The following KIAA1549L variants were observed in gnomAD, a reference collection of about 807,000 sequenced individuals.
KIAA1549L encodes KIAA1549 like, also known as UPF0606 protein KIAA1549L.
Under a neutral mutation model 160.7 loss-of-function variants are expected in KIAA1549L, and 88 were observed. That is an observed-to-expected ratio of 0.55 (90% CI 0.46 to 0.65). The LOEUF is 0.65. Ranked by LOEUF, KIAA1549L falls within the 30% of genes least tolerant of loss-of-function variation. The pLI is 0.00. For synonymous variants in KIAA1549L, 950 were observed against 976.7 expected (o/e 0.97, Z 0.51); for missense variants, 2,258 against 2,437.5 (o/e 0.93, Z 1.55).
intron 11 of KIAA1549L, among the ~76,000 whole-genome samples, chr11:33,584,016 G>A (rs1268852485): frequency 1.3e-5 from 2 of 152,178 alleles, no homozygotes; most frequent in African/African-American, 4.8e-5. Flanking sequence ...CCTTTGGGAG[G>A]AGATTAGGTC....
intron 1 of KIAA1549L, among the ~76,000 whole-genome samples, chr11:33,520,862 T>C (rs1464051225): frequency 1.3e-5 from 2 of 152,152 alleles, no homozygotes; most frequent in Non-Finnish European, 2.9e-5. Context: ...AGTGTTTTGT[T>C]TTTAAAAAGT....
chr11:33,499,555 G>A (rs1364704835), intron 1 of KIAA1549L, among the ~76,000 whole-genome samples: 1 of 152,172 alleles, frequency 6.6e-6, no homozygotes, highest in East Asian at 1.9e-4. Flanking sequence ...GAATAGAATG[G>A]TATATGCAGA....
chr11:33,552,212 C>T lies in KIAA1549L; in HGVS notation c.3826C>T (p.Leu1276=). ...KAFQDAERKV[L]NTKSNLTIQI... is the part of the protein sequence containing the mutation. ...ATTCCAGGATGCCGAGAGGAAAGTC[C>T]TGAATACCAAAAGCAACTTGACAAT... The change falls in exon 6 of 21, where the codon CTG becomes TTG. Residue 1276 remains leucine, a synonymous_variant. Transcript: ENST00000658780. 1 of 1,605,900 alleles carries T rather than the reference C, an allele frequency of 6.2e-7. No homozygotes were observed.
chr11:33,430,049 C>CCCTTCCTTCCTCCCTTCCTCCCTT (rs1851202963), intron 1 of KIAA1549L, among the ~76,000 whole-genome samples: 2 of 69,312 alleles, frequency 2.9e-5, no homozygotes, highest in Non-Finnish European at 5.3e-5. Context: ...CTTCCTTCCT[C>CCCTTCCTTCCTCCCTTCCTCCCTT]CCTTCCCTCT....
chr11:33,609,709 A>G (rs1272707319), intron 14 of KIAA1549L, 40 bp from the exon 15 acceptor site: 3 of 1,518,468 alleles, frequency 2.0e-6, no homozygotes, highest in South Asian at 2.4e-5. Flanking sequence ...TGCCGGCCCC[A>G]CTGGGTCAGG....
chr11:33,497,548 G>A (rs560869265), intron 1 of KIAA1549L, among the ~76,000 whole-genome samples: 14 of 152,180 alleles, frequency 9.2e-5, no homozygotes, highest in African/African-American at 2.9e-4. Flanking sequence ...AAACCCCAAA[G>A]CACCATAAAA....
chr11:33,495,572 T>C (rs889144604), intron 1 of KIAA1549L, among the ~76,000 whole-genome samples: 1 of 152,254 alleles, frequency 6.6e-6, no homozygotes, highest in African/African-American at 2.4e-5. Flanking sequence ...TTGTGAATAA[T>C]GCCGCAATAA....
At chr11:33,451,128 C>T (rs1851712754) in intron 1 of KIAA1549L, among the ~76,000 whole-genome samples, 1 of 152,220 alleles carries the variant, frequency 6.6e-6, no homozygotes, top group Non-Finnish European at 1.5e-5. Context: ...CAAACACACA[C>T]AAACACAGAC....
At chr11:33,563,706 AAGAG>A (rs1161893431) in intron 8 of KIAA1549L, among the ~76,000 whole-genome samples, 2 of 152,254 alleles carry the variant, frequency 1.3e-5, no homozygotes, top group Non-Finnish European at 2.9e-5. Context: ...GTTTATGCCC[AAGAG>A]AGAAACAGTG....
At chr11:33,420,077 T>A (rs1850973931) in intron 1 of KIAA1549L, among the ~76,000 whole-genome samples, 1 of 152,142 alleles carries the variant, frequency 6.6e-6, no homozygotes, top group Non-Finnish European at 1.5e-5. Flanking sequence ...GCATAAATTT[T>A]ACAGTATATC....
At chr11:33,457,737 G>A (rs1166889006) in intron 1 of KIAA1549L, among the ~76,000 whole-genome samples, 2 of 152,206 alleles carry the variant, frequency 1.3e-5, no homozygotes, top group Admixed American at 6.5e-5. Context: ...AGACTTCCTC[G>A]AGGTGGTGAT....
Position 33,568,129 on chromosome 11 carries a change from C to A in KIAA1549L, c.4132C>A (p.Arg1378=). The part of the protein sequence containing the change: ...LVGLHNQSFA[R]VMEQRLAQLF... Reference sequence around the variant, plus strand: ...GGGCCTGCACAACCAGAGCTTTGCCCGGGTCATGGAGCAGCGCCTGGCCCA... The same window carrying A: ...GGGCCTGCACAACCAGAGCTTTGCCAGGGTCATGGAGCAGCGCCTGGCCCA... The change falls in exon 9 of 21, where the codon CGG becomes AGG. Residue 1378 remains arginine (R), a synonymous_variant. Coordinates refer to ENST00000658780, the MANE Select transcript of KIAA1549L (RefSeq NM_012194.3). The A allele has an allele frequency of 6.2e-7, 1 of 1,612,814 alleles. No homozygotes were observed. Among genetic ancestry groups the A allele is most frequent in the Non-Finnish European group, 8.5e-7 (1 of 1,179,440 alleles).
At chr11:33,461,453 C>T (rs1465084802) in intron 1 of KIAA1549L, among the ~76,000 whole-genome samples, 3 of 152,154 alleles carry the variant, frequency 2.0e-5, no homozygotes, top group African/African-American at 7.2e-5. Context: ...TGGTTCTCCC[C>T]ACATGCCAGA....
At chr11:33,460,858 A>G (rs1206290151) in intron 1 of KIAA1549L, among the ~76,000 whole-genome samples, 3 of 152,348 alleles carry the variant, frequency 2.0e-5, no homozygotes. Flanking sequence ...GTGTGGGATT[A>G]TTTAAAAATG....
chr11:33,426,312 C>A (rs917423635), intron 1 of KIAA1549L, among the ~76,000 whole-genome samples: 2 of 152,136 alleles, frequency 1.3e-5, no homozygotes, highest in Non-Finnish European at 2.9e-5. Context: ...TACTGGGACA[C>A]ATGAAAGCTT....
rs1322358942 is a variant in KIAA1549L, at chr11:33,669,995, A to G, written c.*1841A>G. 1 of 152,226 alleles carries G rather than the reference A, an allele frequency of 6.6e-6. No individual in the cohort carries two copies. Among genetic ancestry groups the G allele is most frequent in the East Asian group, 1.9e-4 (1 of 5,202 alleles). The allele number at this position is 152,226 out of a possible 1,614,324, so 9.4% of individuals were successfully genotyped here. The stretch of plus-strand genomic sequence containing the variant: ...TCAATGGCCAGTTGTTGTAGTCCAA[A>G]ACCTAAATCAGTTTGCAAAACACTG... On this transcript the variant is annotated 3_prime_UTR_variant, in exon 21 of 21. Coordinates refer to ENST00000658780, the MANE Select transcript of KIAA1549L (RefSeq NM_012194.3).
At chr11:33,497,842 G>C (rs1337272736) in intron 1 of KIAA1549L, among the ~76,000 whole-genome samples, 2 of 152,210 alleles carry the variant, frequency 1.3e-5, no homozygotes, top group Non-Finnish European at 2.9e-5. Context: ...TGCAATTAAA[G>C]TAACAGCTCT....
intron 1 of KIAA1549L, among the ~76,000 whole-genome samples, chr11:33,456,534 C>G (rs911584): frequency 0.4 from 60,634 of 151,804 alleles, 12,833 homozygotes; most frequent in Admixed American, 0.47. Flanking sequence ...CCTCAGCCTC[C>G]CTAGTAGCTG....
At position 33,496,390 on chromosome 11, in the gene KIAA1549L, AG is replaced by A. The variant is rs571530050; in HGVS notation, c.239-45408del. The stretch of plus-strand genomic sequence containing the variant: ...GGATTTCTGGGTGCGAAGTCACTGG[AG>A]GGGTCGTCAGCAGCTGCTATTCATA... On this transcript the variant is annotated intron_variant, in intron 1 of 20. Coordinates refer to ENST00000658780, the MANE Select transcript of KIAA1549L (RefSeq NM_012194.3). 1.4e-3 allele frequency among the ~76,000 whole-genome samples: 218 copies of A among 152,286 alleles called. 2 individuals are homozygous for A. The highest frequency in any genetic ancestry group is 2.6e-3 in the Non-Finnish European group (179 of 68,018).
Sources: gnomAD v4.1 joint callset for allele counts (sites outside exome capture counted in the v4.1 genomes callset) on GRCh38, gnomAD v4.1.1 for gene constraint, MANE v1.5 for transcripts, NCBI Gene and HGNC (gene_info 2026-07-23, HGNC 2026-07-21) for gene names.